The following BBOX1 variants were observed in gnomAD, a reference collection of about 807,000 sequenced individuals.
The protein encoded by BBOX1 is gamma-butyrobetaine hydroxylase 1.
BBOX1 carries 35 observed loss-of-function variants against 41.6 expected under a neutral mutation model. The observed-to-expected ratio is 0.84, with a 90% CI of 0.64 to 1.11. The LOEUF (loss-of-function observed/expected upper bound fraction) is 1.11, where lower values mean the gene tolerates loss of function less well. Among genes scored for constraint, BBOX1 ranks in the 50% most tolerant of loss-of-function variants. BBOX1 has a pLI of 0.00. For missense variants in BBOX1, 458 were observed against 460.6 expected (o/e 0.99, Z 0.05); for synonymous variants, 163 against 154.7 (o/e 1.05, Z -0.40).
intron 2 of BBOX1, among the ~76,000 whole-genome samples, chr11:27,045,017 G>A (rs1851449315): frequency 6.6e-6 from 1 of 152,070 alleles, no homozygotes; most frequent in South Asian, 2.1e-4. Context: ...AATTACCTTG[G>A]GCAGTATGGC....
chr11:27,091,343 T>C (rs1212607549), intron 4 of BBOX1, among the ~76,000 whole-genome samples: 2 of 151,990 alleles, frequency 1.3e-5, no homozygotes, highest in Non-Finnish European at 2.9e-5. Context: ...CACCATGCCT[T>C]GTGACATGAT....
chr11:27,060,903 T>C (rs942811184), intron 4 of BBOX1, among the ~76,000 whole-genome samples: 9 of 152,224 alleles, frequency 5.9e-5, no homozygotes, highest in African/African-American at 1.2e-4. Context: ...AAGATGTTTT[T>C]ATTGCCTTCC....
chr11:27,052,689 T>C (rs1375445913), intron 2 of BBOX1, among the ~76,000 whole-genome samples: 2 of 152,140 alleles, frequency 1.3e-5, no homozygotes, highest in Non-Finnish European at 2.9e-5. Context: ...TGTACCCAGA[T>C]GAGCTAGCAA....
intron 4 of BBOX1, among the ~76,000 whole-genome samples, chr11:27,068,643 T>G (rs1047586583): frequency 6.6e-6 from 1 of 152,164 alleles, no homozygotes; most frequent in Non-Finnish European, 1.5e-5. Flanking sequence ...ATAAATTCTT[T>G]GCATAGGCCA....
chr11:27,124,027 A>T (rs1285478662), intron 7 of BBOX1, among the ~76,000 whole-genome samples: 1 of 152,194 alleles, frequency 6.6e-6, no homozygotes, highest in Non-Finnish European at 1.5e-5. Context: ...TGAGTTTACC[A>T]TTACAATTGC....
At chr11:27,068,968 C>T (rs986945362) in intron 4 of BBOX1, among the ~76,000 whole-genome samples, 9 of 152,100 alleles carry the variant, frequency 5.9e-5, no homozygotes, top group Middle Eastern at 6.8e-3. Context: ...GTTTTGGTAA[C>T]TATAGCATTA....
At chr11:27,103,929 A>T in intron 5 of BBOX1, among the ~76,000 whole-genome samples, 1 of 152,154 alleles carries the variant, frequency 6.6e-6, no homozygotes, top group East Asian at 1.9e-4. Flanking sequence ...AGGAGACATG[A>T]TTCAGAAACC....
intron 3 of BBOX1, among the ~76,000 whole-genome samples, chr11:27,056,228 G>A (rs1437370080): frequency 6.6e-6 from 1 of 151,966 alleles, no homozygotes; most frequent in Non-Finnish European, 1.5e-5. Context: ...TATTGCTGTT[G>A]TACTCCTTAT....
At chr11:27,081,870 G>A (rs1176244724) in intron 4 of BBOX1, among the ~76,000 whole-genome samples, 1 of 152,116 alleles carries the variant, frequency 6.6e-6, no homozygotes, top group Non-Finnish European at 1.5e-5. Flanking sequence ...AGAAGTGTCT[G>A]TTCATATCCT....
At chr11:27,080,723 A>C (rs897638368) in intron 4 of BBOX1, among the ~76,000 whole-genome samples, 1 of 152,166 alleles carries the variant, frequency 6.6e-6, no homozygotes, top group Non-Finnish European at 1.5e-5. Context: ...CTGAAGTAAG[A>C]ATCAAAGTCA....
At chr11:27,055,944 C>A (rs1437878565) in intron 3 of BBOX1, among the ~76,000 whole-genome samples, 1 of 152,114 alleles carries the variant, frequency 6.6e-6, no homozygotes, top group African/African-American at 2.4e-5. Flanking sequence ...AAAAGCACAG[C>A]TCTCAAAACT....
intron 7 of BBOX1, among the ~76,000 whole-genome samples, chr11:27,122,220 C>A (rs1859489570): frequency 1.3e-5 from 2 of 152,002 alleles, no homozygotes; most frequent in Admixed American, 6.6e-5. Context: ...AATAAAGAAA[C>A]AAGCAAAATT....
chr11:27,117,899 A>G (rs1859324831), intron 6 of BBOX1, among the ~76,000 whole-genome samples: 1 of 151,938 alleles, frequency 6.6e-6, no homozygotes, highest in African/African-American at 2.4e-5. Flanking sequence ...GAGATTCAAT[A>G]TTTTTATAGG....
intron 7 of BBOX1, among the ~76,000 whole-genome samples, chr11:27,120,177 T>C (rs1474318020): frequency 6.6e-6 from 1 of 152,154 alleles, no homozygotes; most frequent in Admixed American, 6.6e-5. Flanking sequence ...CAAAATAGGT[T>C]GATCCCAAGA....
At chr11:27,060,727 CT>C (rs1407786104) in intron 4 of BBOX1, among the ~76,000 whole-genome samples, 1 of 152,172 alleles carries the variant, frequency 6.6e-6, no homozygotes, top group Non-Finnish European at 1.5e-5. Flanking sequence ...ATACTGTCCC[CT>C]TTCTCTTTAA....
At chr11:27,068,284 G>A (rs1857350091) in intron 4 of BBOX1, among the ~76,000 whole-genome samples, 1 of 152,102 alleles carries the variant, frequency 6.6e-6, no homozygotes, top group African/African-American at 2.4e-5. Context: ...GGGCAAAATG[G>A]CATCTCATGG....
At chr11:27,068,187 C>T (rs1296495411) in intron 4 of BBOX1, among the ~76,000 whole-genome samples, 1 of 152,088 alleles carries the variant, frequency 6.6e-6, no homozygotes, top group Non-Finnish European at 1.5e-5. Flanking sequence ...AATTTACATT[C>T]CTACCCACAG....
At chr11:27,066,575 G>A (rs2133982948) in intron 4 of BBOX1, 1 of 149,694 alleles carries the variant, frequency 6.7e-6, no homozygotes, top group South Asian at 2.1e-4. Context: ...GTTATCTTCA[G>A]CACACTTAAA....
At chr11:27,078,195 GT>G (rs1362552696) in intron 4 of BBOX1, among the ~76,000 whole-genome samples, 1 of 152,002 alleles carries the variant, frequency 6.6e-6, no homozygotes, top group African/African-American at 2.4e-5. Context: ...CTATATTTAT[GT>G]TTATCCCTAA....
Sources: gnomAD v4.1 joint callset for allele counts (sites outside exome capture counted in the v4.1 genomes callset) on GRCh38, gnomAD v4.1.1 for gene constraint, MANE v1.5 for transcripts, NCBI Gene and HGNC (gene_info 2026-07-23, HGNC 2026-07-21) for gene names.